Variants in RPGRIP1L observed in about 807,000 individuals in gnomAD.
RPGRIP1L encodes protein fantom.
Under a neutral mutation model 160.4 loss-of-function variants are expected in RPGRIP1L, and 131 were observed. That is an observed-to-expected ratio of 0.82 (90% confidence interval 0.71 to 0.94). The LOEUF (loss-of-function observed/expected upper bound fraction) is 0.94, where lower values mean the gene tolerates loss of function less well. RPGRIP1L is among the 40% of genes least tolerant of loss of function. RPGRIP1L has a pLI of 0.00. For synonymous variants in RPGRIP1L, 510 were observed against 515.8 expected, an observed-to-expected ratio of 0.99 and a Z score of 0.15; for missense variants, 1,522 against 1,535.8, an observed-to-expected ratio of 0.99 and a Z score of 0.15.
At chr16:53,655,374 C>T (rs1263536022) in intron 14 of RPGRIP1L, among the ~76,000 whole-genome samples, 1 of 151,662 alleles carries the variant, frequency 6.6e-6, no homozygotes, top group Non-Finnish European at 1.5e-5. Flanking sequence ...TGATAAATAT[C>T]AATTAAGTAT....
At chr16:53,649,601 G>A (rs938756315) in intron 15 of RPGRIP1L, among the ~76,000 whole-genome samples, 1 of 152,136 alleles carries the variant, frequency 6.6e-6, no homozygotes, top group Non-Finnish European at 1.5e-5. Context: ...ACAAGCATAA[G>A]GGAAAATGTC....
chr16:53,639,138 T>C (rs9933932), intron 19 of RPGRIP1L, among the ~76,000 whole-genome samples: 4 of 151,924 alleles, frequency 2.6e-5, no homozygotes, highest in African/African-American at 9.7e-5. Context: ...CTATTATTCC[T>C]GGGTTAACAA....
At chr16:53,695,770 G>A in intron 3 of RPGRIP1L, 3 of 345,820 alleles carry the variant, frequency 8.7e-6, no homozygotes, top group Non-Finnish European at 1.6e-5. Context: ...AAGGGAATGT[G>A]CATTCTAACA....
Position 53,649,017 on chromosome 16 carries a change from T to C in RPGRIP1L, c.2251A>G (p.Lys751Glu). The change falls in exon 16 of 27, where the codon AAG becomes GAG. Residue 751 changes from lysine to glutamate, a missense_variant. By Grantham distance (56) the Lys-to-Glu change is moderately conservative (BLOSUM62 1). Transcript: ENST00000647211. ...QAIRLYRERA[K>E]ALGYITSNFK... ...TTTGATGTTATATACCCCAAAGCCT[T>C]TGCCCTTTCTCGATAAAGTCGAATT... 2 of 1,614,072 alleles carry C rather than the reference T, an allele frequency of 1.2e-6. No homozygotes were observed. The highest frequency in any genetic ancestry group is 1.7e-6 in the Non-Finnish European group (2 of 1,179,944).
At position 53,692,398 on chromosome 16, in the gene RPGRIP1L, G is replaced by A. The variant is rs753412808; in HGVS notation, c.231-34C>T. On this transcript the variant is annotated intron_variant, in intron 3 of 26. Coordinates refer to ENST00000647211, the MANE Select transcript of RPGRIP1L (RefSeq NM_015272.5). ...ATAATAAAAAGATGAAAAGGAATGT[G>A]AGAAGTCAGCATAAAATCCATTCTG... is the stretch of plus-strand genomic sequence containing the variant. The A allele has an allele frequency of 5.0e-6, 8 of 1,585,284 alleles. No homozygotes were observed. The African/African-American group carries it at 6.7e-5, about 13-fold the overall frequency.
chr16:53,647,874 G>A (rs2151093551), intron 16 of RPGRIP1L, among the ~76,000 whole-genome samples: 1 of 152,198 alleles, frequency 6.6e-6, no homozygotes, highest in Non-Finnish European at 1.5e-5. Context: ...GGGAGGCTGA[G>A]GCGGGTGGAT....
At chr16:53,658,635 A>G in intron 11 of RPGRIP1L, 137 bp downstream of exon 11, 1 of 834,230 alleles carries the variant, frequency 1.2e-6, no homozygotes, top group Non-Finnish European at 2.0e-6. Flanking sequence ...AACATAAACT[A>G]CCTGATAGCA....
rs375774377 is a variant in RPGRIP1L at position 53,652,968 on chromosome 16, G to T, written c.1719C>A (p.Ala573=). ...HKLEAQLKDI[A]YGTKQYKFKP... ...TAAATTTGTACTGCTTGGTGCCATAGGCAATATCCTTTAATTGGGCTGCAA... is the reference window on the plus strand; with the variant it reads ...TAAATTTGTACTGCTTGGTGCCATATGCAATATCCTTTAATTGGGCTGCAA... The change falls in exon 15 of 27, where the codon GCC becomes GCA. Residue 573 remains alanine (A), a synonymous_variant. Coordinates refer to ENST00000647211, the MANE Select transcript of RPGRIP1L (RefSeq NM_015272.5). The T allele has an allele frequency of 6.2e-7, 1 of 1,612,942 alleles. No individual in the cohort carries two copies. Among genetic ancestry groups the T allele is most frequent in the African/African-American group, 1.3e-5 (1 of 74,900 alleles).
intron 10 of RPGRIP1L, among the ~76,000 whole-genome samples, chr16:53,663,300 G>A (rs1393753412): frequency 1.3e-5 from 2 of 151,710 alleles, no homozygotes; most frequent in South Asian, 2.1e-4. Flanking sequence ...TTAATTCAAC[G>A]ACAATAAACA....
intron 6 of RPGRIP1L, among the ~76,000 whole-genome samples, chr16:53,685,303 C>T (rs577585184): frequency 1.8e-4 from 27 of 152,220 alleles, no homozygotes; most frequent in East Asian, 7.7e-4. Context: ...GTGGTGATTC[C>T]GCAAAGACCT....
rs1167023502 is a variant in RPGRIP1L, at chr16:53,637,601, A to G, written c.3220+94T>C. Reference sequence around the variant, plus strand: ...AAACAGGTATCGTGAAGTAGACGCTACCATTAAATGAAGATGTTCTATGAT... The same window carrying G: ...AAACAGGTATCGTGAAGTAGACGCTGCCATTAAATGAAGATGTTCTATGAT... On this transcript the variant is annotated intron_variant, in intron 21 of 26. Transcript: ENST00000647211. 6 of 1,097,886 alleles carry G rather than the reference A, an allele frequency of 5.5e-6. No individual in the cohort carries two copies. In the African/African-American group the frequency reaches 6.2e-5, roughly 11 times the overall value. 68.0% of individuals were successfully genotyped at this position (1,097,886 alleles called of 1,614,324 possible).
At chr16:53,654,720 T>A (rs910604791) in intron 14 of RPGRIP1L, among the ~76,000 whole-genome samples, 2 of 152,150 alleles carry the variant, frequency 1.3e-5, no homozygotes, top group African/African-American at 4.8e-5. Context: ...GTTTATGGAG[T>A]CAATCAATGA....
At chr16:53,613,907 C>T (rs1480362367) in intron 24 of RPGRIP1L, among the ~76,000 whole-genome samples, 2 of 152,178 alleles carry the variant, frequency 1.3e-5, no homozygotes, top group African/African-American at 2.4e-5. Context: ...AGACCACCTA[C>T]TTAGAATGTG....
In RPGRIP1L at chr16:53,672,950, G is replaced by A; in HGVS notation, c.949C>T (p.Leu317Phe). ...CAGCATTTTAAACGCTGCTCTTTAA[G>A]TTGCATGTTTAATTCATCCCCATTT... ...MANGDELNMQ[L>F]KEQRLKCCSL... The change falls in exon 8 of 27, where the codon CTT becomes TTT. Residue 317 changes from leucine (L) to phenylalanine (F), a missense_variant. Coordinates refer to ENST00000647211, the MANE Select transcript of RPGRIP1L (RefSeq NM_015272.5). 1 of 1,613,132 alleles carries A rather than the reference G, an allele frequency of 6.2e-7. No homozygotes were observed. The highest frequency in any genetic ancestry group is 8.5e-7 in the Non-Finnish European group (1 of 1,179,398).
intron 6 of RPGRIP1L, among the ~76,000 whole-genome samples, chr16:53,684,214 A>G (rs1969820922): frequency 6.6e-6 from 1 of 152,110 alleles, no homozygotes; most frequent in Non-Finnish European, 1.5e-5. Context: ...AACTAGAAAT[A>G]CCATTTGACC....
chr16:53,612,534 G>A (rs1190843331), intron 24 of RPGRIP1L, among the ~76,000 whole-genome samples: 1 of 144,156 alleles, frequency 6.9e-6, no homozygotes, highest in Non-Finnish European at 1.5e-5. Context: ...TCAAGATGTG[G>A]CACACCATAT....
chr16:53,671,652 T>C, intron 8 of RPGRIP1L, 69 bp from the exon 9 acceptor site: 1 of 788,744 alleles, frequency 1.3e-6, no homozygotes, highest in East Asian at 2.7e-5. Flanking sequence ...AAAAAAAACA[T>C]TAAAAAACTC....
rs976600726 is a variant in RPGRIP1L at position 53,600,718 on chromosome 16, C to G, written c.*1358G>C. ...GAACTGTAATGAATTGTCTCATAAT[C>G]TATTCCATCTTCTTGCCATTAGCAG... On this transcript the variant is annotated 3_prime_UTR_variant, in exon 27 of 27. Coordinates refer to ENST00000647211, the MANE Select transcript of RPGRIP1L (RefSeq NM_015272.5). 2 of 152,426 alleles carry G rather than the reference C, an allele frequency of 1.3e-5. No homozygotes were observed. The highest frequency in any genetic ancestry group is 4.2e-4 in the South Asian group (2 of 4,808). The allele number at this position is 152,426 out of a possible 1,614,324, so 9.4% of individuals were successfully genotyped here. A position where few individuals can be genotyped will look rare whatever the true frequency, so the allele number is the denominator to read the frequency against.
chr16:53,624,108 T>C (rs1027226979), intron 22 of RPGRIP1L, among the ~76,000 whole-genome samples: 1 of 152,050 alleles, frequency 6.6e-6, no homozygotes. Flanking sequence ...CCCGGACTGG[T>C]CTCAAACTCC....
Sources: gnomAD v4.1 joint callset for allele counts (sites outside exome capture counted in the v4.1 genomes callset) on GRCh38, gnomAD v4.1.1 for gene constraint, MANE v1.5 for transcripts, NCBI Gene and HGNC (gene_info 2026-07-23, HGNC 2026-07-21) for gene names.